SLC35D4: variants seen among roughly 807,000 people sequenced by gnomAD.
SLC35D4 encodes solute carrier family 35 member D4, also known as UDP-N-acetylglucosamine transporter SLC35D4.
chr18:23,303,464 G>A, the SLC35D4 span, among the ~76,000 whole-genome samples: 41 of 152,250 alleles, frequency 2.7e-4, 1 homozygote, highest in South Asian at 4.1e-3. Context: ...TTACTATTCC[G>A]ACTCAGCATT....
At chr18:23,417,234 C>T in the SLC35D4 span, among the ~76,000 whole-genome samples, 1 of 140,816 alleles carries the variant, frequency 7.1e-6, no homozygotes, top group Non-Finnish European at 1.6e-5. Context: ...AGAGCAAGAC[C>T]TTGCCTCAAA....
At chr18:23,332,212 T>TA in the SLC35D4 span, among the ~76,000 whole-genome samples, 37 of 151,890 alleles carry the variant, frequency 2.4e-4, no homozygotes, top group Admixed American at 9.2e-4. Flanking sequence ...TGTATTTTTT[T>TA]TAAAAAAATA....
the SLC35D4 span, among the ~76,000 whole-genome samples, chr18:23,379,228 A>G: frequency 9.3e-5 from 14 of 150,968 alleles, no homozygotes; most frequent in South Asian, 2.7e-3. Flanking sequence ...GGTTCAAGCG[A>G]TTCTCCTGTC....
At chr18:23,266,741 G>C in the SLC35D4 span, among the ~76,000 whole-genome samples, 4 of 152,248 alleles carry the variant, frequency 2.6e-5, no homozygotes, top group Admixed American at 2.6e-4. Flanking sequence ...CTGTGGCCTT[G>C]AGGCTTCCTC....
the SLC35D4 span, among the ~76,000 whole-genome samples, chr18:23,355,957 A>G: frequency 6.6e-6 from 1 of 152,148 alleles, no homozygotes; most frequent in Non-Finnish European, 1.5e-5. Flanking sequence ...TCTTGGCATG[A>G]TGAGGTCAAG....
At chr18:23,266,769 C>T in the SLC35D4 span, among the ~76,000 whole-genome samples, 1 of 152,240 alleles carries the variant, frequency 6.6e-6, no homozygotes, top group Non-Finnish European at 1.5e-5. Context: ...ATGACAAGGT[C>T]GCCTGGCCAA....
the SLC35D4 span, among the ~76,000 whole-genome samples, chr18:23,266,037 T>G: frequency 2.0e-4 from 31 of 151,912 alleles, no homozygotes; most frequent in Admixed American, 1.4e-3. Flanking sequence ...TTCTTTCCAG[T>G]ATGTGTTGGA....
chr18:23,261,041 G>A, the SLC35D4 span, among the ~76,000 whole-genome samples: 11,079 of 152,198 alleles, frequency 0.073, 537 homozygotes, highest in African/African-American at 0.14. Context: ...TTTAGACTTC[G>A]AAATAGGTAG....
At chr18:23,298,183 C>T in the SLC35D4 span, 2 of 1,153,230 alleles carry the variant, frequency 1.7e-6, no homozygotes, top group Admixed American at 1.9e-5. Flanking sequence ...AGACTCATCA[C>T]CAGCCCGAAC....
At chr18:23,339,747 G>T in the SLC35D4 span, among the ~76,000 whole-genome samples, 1 of 152,206 alleles carries the variant, frequency 6.6e-6, no homozygotes, top group Non-Finnish European at 1.5e-5. Flanking sequence ...GAAGGCTGCT[G>T]TCTCAGAGAT....
the SLC35D4 span, among the ~76,000 whole-genome samples, chr18:23,411,734 T>A: frequency 6.6e-6 from 1 of 151,670 alleles, no homozygotes; most frequent in Admixed American, 6.6e-5. Context: ...TTTGTTTCCA[T>A]ACACACTCTG....
the SLC35D4 span, among the ~76,000 whole-genome samples, chr18:23,251,325 C>CCTGT: frequency 6.6e-6 from 1 of 152,296 alleles, no homozygotes; most frequent in Non-Finnish European, 1.5e-5. Flanking sequence ...GTGGCACATG[C>CCTGT]CTGTAGTTCC....
chr18:23,427,643 A>G, the SLC35D4 span, among the ~76,000 whole-genome samples: 4 of 152,226 alleles, frequency 2.6e-5, no homozygotes, highest in Admixed American at 2.6e-4. Flanking sequence ...TAGAAATACC[A>G]TTTGACCCAG....
the SLC35D4 span, among the ~76,000 whole-genome samples, chr18:23,390,929 G>A: frequency 1.3e-5 from 2 of 152,174 alleles, no homozygotes; most frequent in Non-Finnish European, 2.9e-5. Context: ...GTGCATGCAA[G>A]AAATAATGTT....
chr18:23,356,612 T>C, the SLC35D4 span: 18 of 1,614,022 alleles, frequency 1.1e-5, no homozygotes, highest in African/African-American at 1.3e-4. The surrounding 1 kb of genome is among the most constrained non-coding windows in gnomAD (Gnocchi z 4.1). Flanking sequence ...GCAGCTACCA[T>C]GGAATCTGTA....
the SLC35D4 span, among the ~76,000 whole-genome samples, chr18:23,312,166 G>C: frequency 1.3e-5 from 2 of 152,148 alleles, no homozygotes; most frequent in East Asian, 3.8e-4. Context: ...TTTCAGTCCA[G>C]CTGGTAAAAA....
the SLC35D4 span, among the ~76,000 whole-genome samples, chr18:23,250,494 A>G: frequency 6.6e-6 from 1 of 152,180 alleles, no homozygotes; most frequent in Non-Finnish European, 1.5e-5. Flanking sequence ...GTCCCCTTCA[A>G]CCCAGAGATT....
chr18:23,396,143 A>G, the SLC35D4 span, among the ~76,000 whole-genome samples: 75 of 152,262 alleles, frequency 4.9e-4, no homozygotes, highest in African/African-American at 1.7e-3. Flanking sequence ...ATCAACCAAG[A>G]GCTTTTCCCA....
the SLC35D4 span, among the ~76,000 whole-genome samples, chr18:23,334,776 G>A: frequency 0.02 from 3,028 of 152,138 alleles, 96 homozygotes; most frequent in African/African-American, 0.068. Flanking sequence ...CCAGGCAGGC[G>A]GATCACTTGA....
Sources: gnomAD v4.1 joint callset for allele counts (sites outside exome capture counted in the v4.1 genomes callset) on GRCh38, gnomAD v4.1.1 for gene constraint, Gnocchi (gnomAD v3.1) non-coding constraint, MANE v1.5 for transcripts, NCBI Gene and HGNC (gene_info 2026-07-23, HGNC 2026-07-21) for gene names.